Variants in MARK2 observed in about 807,000 individuals in gnomAD.
The protein encoded by MARK2 is serine/threonine-protein kinase MARK2.
A neutral mutation model predicts 89.8 loss-of-function variants in MARK2; 16 were observed. That is an observed-to-expected ratio of 0.18 (90% CI 0.12 to 0.27). The LOEUF (loss-of-function observed/expected upper bound fraction) is 0.27, where lower values mean the gene tolerates loss of function less well. Among genes scored for constraint, MARK2 ranks in the 10% least tolerant of loss-of-function variants. The probability of loss-of-function intolerance (pLI) is 1.00; values close to 1 mark genes in which losing one functional copy is unlikely to be tolerated. For synonymous variants in MARK2, 382 were observed against 399.5 expected (o/e 0.96, Z 0.52); for missense variants, 621 against 1,049.9 (o/e 0.59, Z 5.65).
At chr11:63,863,932 C>G (rs1306327287) in intron 1 of MARK2, among the ~76,000 whole-genome samples, 1 of 152,026 alleles carries the variant, frequency 6.6e-6, no homozygotes, top group Non-Finnish European at 1.5e-5. Context: ...CCACTACACC[C>G]AGCTAATTTT....
intron 1 of MARK2, among the ~76,000 whole-genome samples, chr11:63,891,384 T>C (rs1939843872): frequency 6.6e-6 from 1 of 152,232 alleles, no homozygotes; most frequent in Admixed American, 6.5e-5. Flanking sequence ...TGGTACAATC[T>C]TGCTTGTGGT....
chr11:63,881,762 A>G (rs574439390), intron 1 of MARK2, among the ~76,000 whole-genome samples: 1 of 152,280 alleles, frequency 6.6e-6, no homozygotes, highest in South Asian at 2.1e-4. Flanking sequence ...CCTGGGCAAG[A>G]TGGCAAGATG....
chr11:63,910,167 ACT>A lies in MARK2; in HGVS notation c.*933_*934del, dbSNP rs1453015381. The stretch of plus-strand genomic sequence containing the variant: ...GGTCTCCAGAGCAGGGCCACTGGGC[ACT>A]CTGTGATGGGGGAGCCTTTGTCTGA... On this transcript the variant is annotated 3_prime_UTR_variant, in exon 19 of 19. Coordinates refer to ENST00000402010, the MANE Select transcript of MARK2 (RefSeq NM_001039469.3). 6.6e-6 allele frequency: 1 copy of A among 152,144 alleles called. No homozygotes were observed. The highest frequency in any genetic ancestry group is 1.5e-5 in the Non-Finnish European group (1 of 68,092). 9.4% of individuals were successfully genotyped at this position (152,144 alleles called of 1,614,324 possible).
intron 11 of MARK2, among the ~76,000 whole-genome samples, chr11:63,901,639 C>T (rs1196353122): frequency 6.7e-6 from 1 of 148,558 alleles, no homozygotes; most frequent in Non-Finnish European, 1.5e-5. Flanking sequence ...CCACCATACC[C>T]GGCTATTGAG....
At chr11:63,863,988 T>C (rs949672756) in intron 1 of MARK2, among the ~76,000 whole-genome samples, 1 of 150,926 alleles carries the variant, frequency 6.6e-6, no homozygotes, top group Non-Finnish European at 1.5e-5. Flanking sequence ...GAGTCTCGCT[T>C]TGTCGCCCAG....
chr11:63,902,347 G>A lies in MARK2; in HGVS notation c.1234+17G>A, dbSNP rs1404082664. The stretch of plus-strand genomic sequence containing the variant: ...GCGACCAGGGTAAATGCTTTTGGGA[G>A]TTGTAGGTGGGGACTCACCCCTCTC... On this transcript the variant is annotated intron_variant, in intron 12 of 18. Coordinates refer to ENST00000402010, the MANE Select transcript of MARK2 (RefSeq NM_001039469.3). This position sits in a 1 kb window ranked among gnomAD's most constrained non-coding sequence, Gnocchi z 4.2. 7 of 1,613,538 alleles carry A rather than the reference G, an allele frequency of 4.3e-6. No individual in the cohort carries two copies. The highest frequency in any genetic ancestry group is 5.9e-6 in the Non-Finnish European group (7 of 1,179,822).
At chr11:63,895,971 ACCTGTC>A (rs907135165) in intron 3 of MARK2, among the ~76,000 whole-genome samples, 6 of 151,750 alleles carry the variant, frequency 4.0e-5, no homozygotes, top group African/African-American at 1.2e-4. Flanking sequence ...CCCCCAGCCC[ACCTGTC>A]CCTTTCTAAA....
At chr11:63,888,157 T>TTAA (rs1313898492) in intron 1 of MARK2, among the ~76,000 whole-genome samples, 6 of 152,194 alleles carry the variant, frequency 3.9e-5, no homozygotes, top group African/African-American at 1.4e-4. Flanking sequence ...GTTTCCAAGG[T>TTAA]TAAGCACTGC....
chr11:63,901,473 CTTTTTTTT>C (rs35231498), intron 11 of MARK2, among the ~76,000 whole-genome samples: 7 of 57,698 alleles, frequency 1.2e-4, no homozygotes, highest in African/African-American at 1.6e-4. Flanking sequence ...GAGTCTGTTG[CTTTTTTTT>C]TTTTTTTTTT....
rs528364164 is a variant in MARK2, at chr11:63,904,565, T to C, written c.1677-221T>C. ...CCACACTCCACACAGGGGTCCTTCCTTGCCTCCCTCCCTCCCTTCCCAAAC... is the reference window on the plus strand; with the variant it reads ...CCACACTCCACACAGGGGTCCTTCCCTGCCTCCCTCCCTCCCTTCCCAAAC... On this transcript the variant is annotated intron_variant, in intron 15 of 18. Transcript: ENST00000402010. The surrounding 1 kb of genome is among the most constrained non-coding windows in gnomAD (Gnocchi z 6.3). Among the ~76,000 whole-genome samples, 42 of 152,148 alleles carry C rather than the reference T, an allele frequency of 2.8e-4. No homozygotes were observed. The highest frequency in any genetic ancestry group is 9.9e-4 in the African/African-American group (41 of 41,514).
At chr11:63,896,418 A>G (rs1388775428) in intron 3 of MARK2, among the ~76,000 whole-genome samples, 3 of 152,274 alleles carry the variant, frequency 2.0e-5, no homozygotes, top group Non-Finnish European at 4.4e-5. Flanking sequence ...TACCTTTTAG[A>G]GAATGAGCTC....
In MARK2 at chr11:63,898,688, G is replaced by T. The variant is rs375299330; in HGVS notation, c.403+15G>T. The T allele has an allele frequency of 1.1e-4, 183 of 1,613,132 alleles. No homozygotes were observed. Among genetic ancestry groups the T allele is most frequent in the Non-Finnish European group, 1.5e-4 (182 of 1,179,184 alleles). ...CGCTAGTGGCGGTAGGTGTGGAACT[G>T]CCTCTTCCTGTTGTGCCCCCACTTC... is the stretch of plus-strand genomic sequence containing the variant. On this transcript the variant is annotated intron_variant, in intron 5 of 18. Transcript: ENST00000402010.
At chr11:63,844,993 T>C (rs900545903) in intron 1 of MARK2, among the ~76,000 whole-genome samples, 1 of 152,108 alleles carries the variant, frequency 6.6e-6, no homozygotes, top group Admixed American at 6.5e-5. Context: ...TATCGACAAA[T>C]GGGGTAGGGG....
At chr11:63,870,611 T>C (rs1938391383) in intron 1 of MARK2, among the ~76,000 whole-genome samples, 1 of 152,140 alleles carries the variant, frequency 6.6e-6, no homozygotes, top group African/African-American at 2.4e-5. Context: ...GGAAATTCCC[T>C]TATGCTGCTC....
At chr11:63,847,639 C>G (rs1377223346) in intron 1 of MARK2, among the ~76,000 whole-genome samples, 2 of 152,218 alleles carry the variant, frequency 1.3e-5, no homozygotes, top group Non-Finnish European at 2.9e-5. Flanking sequence ...CAACAACCCC[C>G]TTCTCCCCAA....
At chr11:63,848,734 T>C (rs929937346) in intron 1 of MARK2, among the ~76,000 whole-genome samples, 4 of 151,790 alleles carry the variant, frequency 2.6e-5, no homozygotes, top group Admixed American at 6.6e-5. Context: ...GTACTTTTTT[T>C]TTTTTTAAAG....
Position 63,903,167 on chromosome 11 carries a change from C to A in MARK2, c.1514+9C>A. On this transcript the variant is annotated intron_variant, in intron 14 of 18. Transcript: ENST00000402010. The surrounding 1 kb of genome is among the most constrained non-coding windows in gnomAD (Gnocchi z 5.1). ...CAGAATGGCAAAGACAGGTGAGAGA[C>A]CCGGGCCCTGCCTGCCTCACTCCCT... The A allele has an allele frequency of 6.2e-7, 1 of 1,606,484 alleles. No homozygotes were observed. Among genetic ancestry groups the A allele is most frequent in the Non-Finnish European group, 8.5e-7 (1 of 1,174,622 alleles).
At chr11:63,846,100 C>T (rs1201018178) in intron 1 of MARK2, among the ~76,000 whole-genome samples, 1 of 152,140 alleles carries the variant, frequency 6.6e-6, no homozygotes, top group East Asian at 1.9e-4. Flanking sequence ...TCTTGATTTC[C>T]AGTTGTGTCT....
rs779459837 is a variant in MARK2, at chr11:63,898,629, A to C, written c.359A>C (p.Glu120Ala). 6.2e-7 allele frequency: 1 copy of C among 1,614,024 alleles called. No homozygotes were observed. Among genetic ancestry groups the C allele is most frequent in the Non-Finnish European group, 8.5e-7 (1 of 1,179,906 alleles). The change falls in exon 5 of 19, where the codon GAG becomes GCG. Residue 120 changes from glutamate to alanine, a missense_variant. By Grantham distance (107) the Glu-to-Ala change is moderately radical (BLOSUM62 -1). Coordinates refer to ENST00000402010, the MANE Select transcript of MARK2 (RefSeq NM_001039469.3). ...GTAGTTAAATTATTTGAAGTGATTGAGACTGAGAAAACGCTCTACCTTGTC... is the reference window on the plus strand; with the variant it reads ...GTAGTTAAATTATTTGAAGTGATTGCGACTGAGAAAACGCTCTACCTTGTC... The part of the protein sequence containing the change: ...PNIVKLFEVI[E>A]TEKTLYLVME...
Sources: allele counts gnomAD v4.1 joint callset (sites outside exome capture counted in the v4.1 genomes callset), GRCh38; gene constraint gnomAD v4.1.1; non-coding constraint Gnocchi (gnomAD v3.1); transcripts MANE v1.5; gene names NCBI Gene and HGNC (gene_info 2026-07-23, HGNC 2026-07-21).